EEFSEC: variants seen among roughly 807,000 people sequenced by gnomAD.
The protein encoded by EEFSEC is selenocysteine-specific elongation factor.
EEFSEC carries 43 observed loss-of-function variants against 42.1 expected under a neutral mutation model. The ratio of observed to expected loss-of-function variants is 1.02; its 90% CI spans 0.80 to 1.32. EEFSEC has a LOEUF of 1.32. EEFSEC is among the 40% of genes most tolerant of loss of function. The pLI is 0.00. For missense variants in EEFSEC, 745 were observed against 803.6 expected (o/e 0.93, Z 0.88); for synonymous variants, 354 against 339.1 (o/e 1.04, Z -0.48).
At chr3:128,375,631 C>T (rs1232271771) in intron 6 of EEFSEC, among the ~76,000 whole-genome samples, 1 of 152,178 alleles carries the variant, frequency 6.6e-6, no homozygotes, top group African/African-American at 2.4e-5. Context: ...TCAGATGCCA[C>T]CTCTAGGAAG....
chr3:128,346,748 C>G (rs1406724093), intron 5 of EEFSEC, among the ~76,000 whole-genome samples: 5 of 152,226 alleles, frequency 3.3e-5, no homozygotes, highest in Non-Finnish European at 7.3e-5. Flanking sequence ...AGCTACTCAA[C>G]TCTGCCACTG....
intron 4 of EEFSEC, among the ~76,000 whole-genome samples, chr3:128,282,481 T>C (rs1467603320): frequency 6.6e-6 from 1 of 152,252 alleles, no homozygotes; most frequent in African/African-American, 2.4e-5. Flanking sequence ...CAGGTAGAAT[T>C]GTTCCAGCGC....
intron 1 of EEFSEC, among the ~76,000 whole-genome samples, chr3:128,239,112 A>C (rs2066043503): frequency 6.6e-6 from 1 of 152,216 alleles, no homozygotes; most frequent in Admixed American, 6.5e-5. Context: ...TGTCCTGCCC[A>C]GTGGTGGATA....
chr3:128,161,255 A>C (rs1044362620), intron 1 of EEFSEC, among the ~76,000 whole-genome samples: 1 of 152,148 alleles, frequency 6.6e-6, no homozygotes, highest in Non-Finnish European at 1.5e-5. Context: ...AAGATTCAGT[A>C]ATGTATGTTT....
intron 1 of EEFSEC, among the ~76,000 whole-genome samples, chr3:128,197,774 A>G (rs1382422985): frequency 6.6e-6 from 1 of 152,044 alleles, no homozygotes. Flanking sequence ...CTGCATCATC[A>G]TCAGTAAATG....
chr3:128,271,836 G>T (rs1322494281), intron 4 of EEFSEC, among the ~76,000 whole-genome samples: 1 of 152,146 alleles, frequency 6.6e-6, no homozygotes, highest in African/African-American at 2.4e-5. Flanking sequence ...TTGCTGTCCT[G>T]CTCATCTGTC....
At chr3:128,260,978 A>AT (rs59331462) in intron 2 of EEFSEC, among the ~76,000 whole-genome samples, 3 of 149,442 alleles carry the variant, frequency 2.0e-5, no homozygotes, top group Non-Finnish European at 3.0e-5. Context: ...AAAAAAAAAA[A>AT]AAAACATTCA....
chr3:128,318,110 C>T (rs756263140), intron 4 of EEFSEC, among the ~76,000 whole-genome samples: 8 of 152,218 alleles, frequency 5.3e-5, no homozygotes, highest in Non-Finnish European at 7.3e-5. Context: ...AGAGCCAGGC[C>T]GTCAGCCTGC....
chr3:128,422,317 G>A, the EEFSEC span, among the ~76,000 whole-genome samples: 1 of 152,232 alleles, frequency 6.6e-6, no homozygotes, highest in Non-Finnish European at 1.5e-5. Context: ...AGTGAATGGA[G>A]CCTCGGATTC....
intron 1 of EEFSEC, among the ~76,000 whole-genome samples, chr3:128,246,544 G>A (rs2066129691): frequency 6.6e-6 from 1 of 152,198 alleles, no homozygotes; most frequent in Non-Finnish European, 1.5e-5. Context: ...GAAAGGCACG[G>A]GTTTTGGAGT....
intron 4 of EEFSEC, among the ~76,000 whole-genome samples, chr3:128,319,785 CCT>C (rs1365920161): frequency 6.6e-6 from 1 of 152,246 alleles, no homozygotes; most frequent in Non-Finnish European, 1.5e-5. Context: ...GTGCTGCCAT[CCT>C]CTCGACTGCA....
chr3:128,365,343 C>T (rs563141593), intron 6 of EEFSEC, among the ~76,000 whole-genome samples: 1 of 152,290 alleles, frequency 6.6e-6, no homozygotes, highest in East Asian at 1.9e-4. Context: ...TTGCAGGGGC[C>T]GCTGGGCTAG....
intron 1 of EEFSEC, among the ~76,000 whole-genome samples, chr3:128,163,174 A>G (rs1344152997): frequency 6.6e-6 from 1 of 152,042 alleles, no homozygotes; most frequent in Non-Finnish European, 1.5e-5. Context: ...AAATGATGGT[A>G]TCTATAGCTC....
At position 128,176,461 on chromosome 3, in the gene EEFSEC, A is replaced by G. The variant is rs116236848; in HGVS notation, c.316+22638A>G. ...AATGTGGGTGGAGTGTTAGCAAGCC[A>G]CACGCCTTGTCTGCCGGGAGAGACC... On this transcript the variant is annotated intron_variant, in intron 1 of 6. Coordinates refer to ENST00000254730, the MANE Select transcript of EEFSEC (RefSeq NM_021937.5). Among the ~76,000 whole-genome samples, 696 of 152,250 alleles carry G rather than the reference A, an allele frequency of 4.6e-3. 4 individuals carry two copies. Among genetic ancestry groups the G allele is most frequent in the African/African-American group, 0.015 (612 of 41,552 alleles).
At chr3:128,249,338 G>A (rs1173873335) in intron 2 of EEFSEC, among the ~76,000 whole-genome samples, 1 of 152,154 alleles carries the variant, frequency 6.6e-6, no homozygotes, top group Non-Finnish European at 1.5e-5. Context: ...GCAGCTGCTG[G>A]CACTTTTGGA....
At chr3:128,406,057 C>A (rs555988157) in intron 6 of EEFSEC, among the ~76,000 whole-genome samples, 1 of 152,230 alleles carries the variant, frequency 6.6e-6, no homozygotes, top group African/African-American at 2.4e-5. Context: ...CCACCAGGAC[C>A]CCCCAGTGGG....
chr3:128,406,975 G>A (rs980068345), intron 6 of EEFSEC, among the ~76,000 whole-genome samples: 1 of 152,166 alleles, frequency 6.6e-6, no homozygotes, highest in Non-Finnish European at 1.5e-5. Context: ...GCAGCAGCAT[G>A]TTTAAGGATG....
chr3:128,345,736 C>T (rs2067304937), intron 5 of EEFSEC, among the ~76,000 whole-genome samples: 2 of 152,244 alleles, frequency 1.3e-5, no homozygotes, highest in Admixed American at 6.5e-5. Context: ...TATCTCAGTT[C>T]ATCACAAAGG....
chr3:128,407,805 A>G (rs939214298), intron 6 of EEFSEC, among the ~76,000 whole-genome samples: 7 of 152,164 alleles, frequency 4.6e-5, no homozygotes, highest in African/African-American at 1.7e-4. Flanking sequence ...AAAGCAATGG[A>G]CCACTCGGCA....
Sources: gnomAD v4.1 joint callset for allele counts (sites outside exome capture counted in the v4.1 genomes callset) on GRCh38, gnomAD v4.1.1 for gene constraint, MANE v1.5 for transcripts, NCBI Gene and HGNC (gene_info 2026-07-23, HGNC 2026-07-21) for gene names.